Variants in NRG1 observed in about 807,000 individuals in gnomAD.
NRG1 encodes the protein neuregulin 1, also known as pro-neuregulin-1, membrane-bound isoform.
A neutral mutation model predicts 63.8 loss-of-function variants in NRG1; 18 were observed. That is an observed-to-expected ratio of 0.28 (90% CI 0.19 to 0.42). The LOEUF is 0.42. NRG1 is among the 10% of genes least tolerant of loss of function. The probability of loss-of-function intolerance (pLI) is 1.00; values close to 1 mark genes in which losing one functional copy is unlikely to be tolerated. For missense variants in NRG1, 762 were observed against 814.7 expected, an observed-to-expected ratio of 0.94 and a Z score of 0.79; for synonymous variants, 302 against 301.3, an observed-to-expected ratio of 1.00 and a Z score of -0.02.
At chr8:32,042,660 T>C (rs2130698048) in intron 1 of NRG1, among the ~76,000 whole-genome samples, 1 of 152,184 alleles carries the variant, frequency 6.6e-6, no homozygotes, top group East Asian at 1.9e-4. Context: ...CAAATCTCTT[T>C]ATATGAATTG....
intron 1 of NRG1, among the ~76,000 whole-genome samples, chr8:32,477,243 C>T (rs1348465710): frequency 2.6e-5 from 4 of 152,092 alleles, no homozygotes; most frequent in Non-Finnish European, 4.4e-5. Flanking sequence ...TCTGGAAAGC[C>T]GGCTGCAAGA....
At chr8:32,391,197 C>T (rs541030895) in intron 1 of NRG1, among the ~76,000 whole-genome samples, 67 of 152,136 alleles carry the variant, frequency 4.4e-4, no homozygotes, top group Non-Finnish European at 1.8e-4. Context: ...GTGGCAGGAT[C>T]ATGGCTCACT....
intron 5 of NRG1, among the ~76,000 whole-genome samples, chr8:32,631,765 A>G (rs1053508409): frequency 3.9e-5 from 6 of 152,194 alleles, no homozygotes; most frequent in Admixed American, 2.0e-4. Flanking sequence ...TTAATTCAAC[A>G]TGGAAAGTTC....
At chr8:31,679,084 C>T (rs1338461007) in intron 1 of NRG1, among the ~76,000 whole-genome samples, 2 of 151,992 alleles carry the variant, frequency 1.3e-5, no homozygotes, top group Non-Finnish European at 2.9e-5. Flanking sequence ...CCTTGCGATA[C>T]TTACTCTCTT....
intron 1 of NRG1, among the ~76,000 whole-genome samples, chr8:31,909,975 G>T (rs1027542188): frequency 6.6e-5 from 10 of 152,118 alleles, no homozygotes; most frequent in Non-Finnish European, 1.3e-4. Context: ...TTACATTCTG[G>T]TGGAAGAAAA....
At chr8:31,751,253 T>A (rs780220092) in intron 1 of NRG1, among the ~76,000 whole-genome samples, 3 of 152,020 alleles carry the variant, frequency 2.0e-5, no homozygotes, top group Non-Finnish European at 2.9e-5. Flanking sequence ...TTGGAAAAGC[T>A]GAAATTTGTA....
intron 1 of NRG1, among the ~76,000 whole-genome samples, chr8:31,826,521 A>G (rs931899744): frequency 6.6e-6 from 1 of 152,194 alleles, no homozygotes; most frequent in African/African-American, 2.4e-5. Context: ...GCCATGTGGA[A>G]TTGTGAGTCC....
intron 1 of NRG1, among the ~76,000 whole-genome samples, chr8:31,876,514 T>C (rs1027331608): frequency 6.6e-6 from 1 of 152,184 alleles, no homozygotes; most frequent in Non-Finnish European, 1.5e-5. Context: ...ATAAAAAGTT[T>C]GCTGGTTGAG....
intron 1 of NRG1, chr8:32,026,350 T>G (rs1301474925): frequency 6.6e-6 from 1 of 152,210 alleles, no homozygotes; most frequent in Non-Finnish European, 1.5e-5. Context: ...TTCATCTCTT[T>G]GGCTGGATTT....
intron 6 of NRG1, among the ~76,000 whole-genome samples, chr8:32,731,991 A>T (rs149175266): frequency 1.3e-5 from 2 of 152,336 alleles, no homozygotes; most frequent in African/African-American, 4.8e-5. Flanking sequence ...TTGGGAGTTG[A>T]AGTAGAAGAT....
At chr8:31,977,004 T>G (rs1225964057) in intron 1 of NRG1, among the ~76,000 whole-genome samples, 1 of 152,192 alleles carries the variant, frequency 6.6e-6, no homozygotes, top group African/African-American at 2.4e-5. Flanking sequence ...TAATAATTAT[T>G]CCATATAGAG....
At chr8:31,787,987 A>G (rs962911473) in intron 1 of NRG1, among the ~76,000 whole-genome samples, 3 of 152,160 alleles carry the variant, frequency 2.0e-5, no homozygotes, top group Admixed American at 1.3e-4. Context: ...ATATAGAAAC[A>G]TGTATTAACC....
At chr8:31,968,624 A>G (rs1041697852) in intron 1 of NRG1, among the ~76,000 whole-genome samples, 1 of 152,110 alleles carries the variant, frequency 6.6e-6, no homozygotes, top group Non-Finnish European at 1.5e-5. Flanking sequence ...TTCTGCCCTC[A>G]TTTAATGGAT....
intron 1 of NRG1, among the ~76,000 whole-genome samples, chr8:32,241,889 G>C (rs1848134887): frequency 6.6e-6 from 1 of 151,858 alleles, no homozygotes; most frequent in Non-Finnish European, 1.5e-5. Context: ...CTCCTGAGTA[G>C]CTGGGACTAC....
At chr8:31,768,863 C>T (rs528845034) in intron 1 of NRG1, among the ~76,000 whole-genome samples, 116 of 152,260 alleles carry the variant, frequency 7.6e-4, no homozygotes, top group African/African-American at 2.7e-3. Context: ...TATGGAATTT[C>T]CTGGAATCCA....
rs574655546 is a variant in NRG1, at chr8:31,873,379, T to G, written c.37+233948T>G. Reference sequence around the variant, plus strand: ...TTCGAGACCAGCCTAACCAACATGGTGAAACCCCGTCTCTACTAAAAATAC... The same window carrying G: ...TTCGAGACCAGCCTAACCAACATGGGGAAACCCCGTCTCTACTAAAAATAC... On this transcript the variant is annotated intron_variant, in intron 1 of 10. Coordinates refer to the NRG1 transcript ENST00000519301. Among the ~76,000 whole-genome samples, 77 of 152,154 alleles carry G rather than the reference T, an allele frequency of 5.1e-4. 1 individual carries two copies. Among genetic ancestry groups the G allele is most frequent in the African/African-American group, 1.6e-3 (67 of 41,504 alleles).
chr8:31,801,850 C>A (rs1196843303), intron 1 of NRG1, among the ~76,000 whole-genome samples: 1 of 152,172 alleles, frequency 6.6e-6, no homozygotes, highest in Non-Finnish European at 1.5e-5. Flanking sequence ...ATGCCATTAG[C>A]AGGTCATTCA....
chr8:31,691,382 C>T (rs1048345382), intron 1 of NRG1, among the ~76,000 whole-genome samples: 3 of 151,566 alleles, frequency 2.0e-5, no homozygotes, highest in Non-Finnish European at 4.4e-5. Flanking sequence ...CTGAGGCGGG[C>T]GGATCTCGAG....
At chr8:32,417,088 G>A (rs1816028219) in intron 1 of NRG1, among the ~76,000 whole-genome samples, 1 of 152,154 alleles carries the variant, frequency 6.6e-6, no homozygotes. Context: ...AAAGGGAAAG[G>A]CCTCAGCTTA....
Sources: allele counts gnomAD v4.1 joint callset (sites outside exome capture counted in the v4.1 genomes callset), GRCh38; gene constraint gnomAD v4.1.1; transcripts MANE v1.5; gene names NCBI Gene and HGNC (gene_info 2026-07-23, HGNC 2026-07-21).